Variants in WDPCP observed in about 807,000 individuals in gnomAD.
WDPCP encodes WD repeat containing planar cell polarity effector, also known as WD repeat-containing and planar cell polarity effector protein fritz homolog.
Under a neutral mutation model 93.1 loss-of-function variants are expected in WDPCP, and 71 were observed. The observed-to-expected ratio is 0.76, with a 90% CI of 0.63 to 0.93. The LOEUF (loss-of-function observed/expected upper bound fraction) is 0.93. Among genes scored for constraint, WDPCP ranks in the 40% least tolerant of loss-of-function variants. The probability of loss-of-function intolerance (pLI) is 0.00; values close to 1 mark genes in which losing one functional copy is unlikely to be tolerated. For missense variants in WDPCP, 844 were observed against 887.4 expected, an observed-to-expected ratio of 0.95 and a Z score of 0.62; for synonymous variants, 315 against 315.0, an observed-to-expected ratio of 1.00 and a Z score of 0.00.
chr2:63,383,490 A>C (rs1260438850), intron 10 of WDPCP, among the ~76,000 whole-genome samples: 1 of 152,186 alleles, frequency 6.6e-6, no homozygotes, highest in East Asian at 1.9e-4. Context: ...CAAGGCAGGC[A>C]GATCACTTGA....
At chr2:63,567,354 T>C (rs186140740) in intron 1 of WDPCP, among the ~76,000 whole-genome samples, 2 of 152,290 alleles carry the variant, frequency 1.3e-5, no homozygotes, top group East Asian at 1.9e-4. Context: ...GACATTCTTA[T>C]CAACTGCAGA....
chr2:63,124,728 A>T (rs1375927293), intron 17 of WDPCP, among the ~76,000 whole-genome samples: 1 of 152,222 alleles, frequency 6.6e-6, no homozygotes, highest in Non-Finnish European at 1.5e-5. Context: ...TTAGACATGG[A>T]AGAAATCTTA....
At chr2:63,400,377 A>G in intron 10 of WDPCP, among the ~76,000 whole-genome samples, 1 of 152,220 alleles carries the variant, frequency 6.6e-6, no homozygotes, top group African/African-American at 2.4e-5. Context: ...CAATAGGCAA[A>G]GATTTCATGA....
At chr2:63,347,323 G>A (rs1392492484) in intron 12 of WDPCP, among the ~76,000 whole-genome samples, 1 of 152,096 alleles carries the variant, frequency 6.6e-6, no homozygotes, top group Non-Finnish European at 1.5e-5. Flanking sequence ...TTGATTATAA[G>A]TATATCTGAT....
intron 9 of WDPCP, among the ~76,000 whole-genome samples, chr2:63,419,799 A>T (rs967021450): frequency 3.3e-5 from 5 of 152,214 alleles, no homozygotes; most frequent in Admixed American, 3.3e-4. Context: ...AGGAAAAAAA[A>T]TTACTTAAAG....
intron 14 of WDPCP, among the ~76,000 whole-genome samples, chr2:63,202,596 A>C (rs764580953): frequency 2.3e-4 from 35 of 152,102 alleles, no homozygotes; most frequent in Admixed American, 3.9e-4. Context: ...TTCTATCTCT[A>C]CTTGCAGCCC....
intron 1 of WDPCP, among the ~76,000 whole-genome samples, chr2:63,546,066 A>G (rs1705130993): frequency 6.6e-6 from 1 of 152,150 alleles, no homozygotes; most frequent in Non-Finnish European, 1.5e-5. Context: ...CACACCAAGG[A>G]ACTATACCTA....
At chr2:63,638,194 T>C (rs549454692) in intron 3 of WDPCP, among the ~76,000 whole-genome samples, 61 of 152,284 alleles carry the variant, frequency 4.0e-4, no homozygotes, top group African/African-American at 1.4e-3. Context: ...CCTTCAGTAA[T>C]AAGATGAATA....
chr2:63,809,098 C>T (rs1428955167), intron 2 of WDPCP, among the ~76,000 whole-genome samples: 7 of 151,606 alleles, frequency 4.6e-5, no homozygotes, highest in African/African-American at 1.7e-4. Context: ...AGGAGTCCCT[C>T]CGCCCGGCAG....
At chr2:63,200,197 T>TC (rs1382576234) in intron 14 of WDPCP, among the ~76,000 whole-genome samples, 1 of 152,174 alleles carries the variant, frequency 6.6e-6, no homozygotes, top group Non-Finnish European at 1.5e-5. Context: ...AAGGGACTTG[T>TC]CTTTTTTAAG....
intron 1 of WDPCP, among the ~76,000 whole-genome samples, chr2:63,818,151 G>A (rs1472613429): frequency 6.6e-6 from 1 of 152,176 alleles, no homozygotes; most frequent in Non-Finnish European, 1.5e-5. Context: ...TGGGGCCAGG[G>A]CTGACAGAAC....
intron 1 of WDPCP, among the ~76,000 whole-genome samples, chr2:63,565,460 C>T (rs1402890631): frequency 6.6e-6 from 1 of 151,976 alleles, no homozygotes; most frequent in Non-Finnish European, 1.5e-5. Flanking sequence ...TATTTAAACT[C>T]TATAGGATAT....
chr2:63,708,009 C>A (rs1669194179), intron 2 of WDPCP, among the ~76,000 whole-genome samples: 1 of 152,100 alleles, frequency 6.6e-6, no homozygotes, highest in Non-Finnish European at 1.5e-5. Context: ...GAGGAGTACC[C>A]AGCTGTATGA....
intron 2 of WDPCP, among the ~76,000 whole-genome samples, chr2:63,701,407 G>A (rs902727526): frequency 3.9e-5 from 6 of 152,168 alleles, no homozygotes; most frequent in Admixed American, 3.3e-4. Flanking sequence ...TGGTGGGAAT[G>A]TAAATTAGTA....
Position 63,810,714 on chromosome 2 carries a change from T to C in WDPCP, n.308+2908A>G, listed in dbSNP as rs181074942. Reference sequence around the variant, plus strand: ...TATTCCATATTTTTTATACCTATTATGTAGCAATAGGGAAGCAAGCATTAA... The same window carrying C: ...TATTCCATATTTTTTATACCTATTACGTAGCAATAGGGAAGCAAGCATTAA... On this transcript the variant is annotated intron_variant and non_coding_transcript_variant, in intron 2 of 4. Transcript: ENST00000467687. 1.2e-4 allele frequency among the ~76,000 whole-genome samples: 18 copies of C among 152,356 alleles called. No homozygotes were observed. The East Asian group carries it at 2.7e-3, about 23-fold the overall frequency.
At chr2:63,306,434 C>A (rs988236195) in intron 13 of WDPCP, among the ~76,000 whole-genome samples, 2 of 152,036 alleles carry the variant, frequency 1.3e-5, no homozygotes, top group South Asian at 2.1e-4. Context: ...AGAGTCACAA[C>A]AAAAAAAGAA....
intron 2 of WDPCP, among the ~76,000 whole-genome samples, chr2:63,801,393 G>A (rs1377662274): frequency 6.6e-6 from 1 of 152,160 alleles, no homozygotes; most frequent in East Asian, 1.9e-4. Context: ...CACTGTGAGT[G>A]TTACAGCTCT....
At chr2:63,587,341 C>A (rs1480360610) in intron 1 of WDPCP, among the ~76,000 whole-genome samples, 1 of 151,990 alleles carries the variant, frequency 6.6e-6, no homozygotes, top group Non-Finnish European at 1.5e-5. Flanking sequence ...GAACCAGTAA[C>A]AAAAGAGGAA....
chr2:63,437,910 A>C (rs1397086317), intron 7 of WDPCP: 1 of 1,588,502 alleles, frequency 6.3e-7, no homozygotes, highest in African/African-American at 1.3e-5. Context: ...TAAGAGTTTA[A>C]TCCTATGTTT....
Sources: gnomAD v4.1 joint callset for allele counts (sites outside exome capture counted in the v4.1 genomes callset) on GRCh38, gnomAD v4.1.1 for gene constraint, MANE v1.5 for transcripts, NCBI Gene and HGNC (gene_info 2026-07-23, HGNC 2026-07-21) for gene names.